Variants in NLK observed in about 807,000 individuals in gnomAD.
NLK encodes the protein serine/threonine-protein kinase NLK.
A neutral mutation model predicts 59.0 loss-of-function variants in NLK; 11 were observed. The observed-to-expected ratio is 0.19, with a 90% confidence interval of 0.12 to 0.31. The LOEUF is 0.31. Ranked by LOEUF, NLK falls within the 10% of genes least tolerant of loss-of-function variation. The probability of loss-of-function intolerance (pLI) is 1.00; values close to 1 mark genes in which losing one functional copy is unlikely to be tolerated. For missense variants in NLK, 410 were observed against 661.1 expected, an observed-to-expected ratio of 0.62 and a Z score of 4.16; for synonymous variants, 235 against 235.9, an observed-to-expected ratio of 1.00 and a Z score of 0.03.
At chr17:28,102,148 G>A (rs1398628979) in intron 1 of NLK, among the ~76,000 whole-genome samples, 1 of 151,830 alleles carries the variant, frequency 6.6e-6, no homozygotes, top group Non-Finnish European at 1.5e-5. Flanking sequence ...GTGAGGTTTG[G>A]GTTTACCATT....
intron 1 of NLK, among the ~76,000 whole-genome samples, chr17:28,087,488 CAGAAT>C (rs1910554200): frequency 6.6e-6 from 1 of 152,070 alleles, no homozygotes; most frequent in Non-Finnish European, 1.5e-5. Flanking sequence ...GGATGTAAAT[CAGAAT>C]AGAAGATCAT....
In NLK at chr17:28,043,249, C is replaced by A; in HGVS notation, c.376C>A (p.His126Asn). The A allele has an allele frequency of 6.2e-7, 1 of 1,613,876 alleles. No individual in the cohort carries two copies. The highest frequency in any genetic ancestry group is 8.5e-7 in the Non-Finnish European group (1 of 1,179,836). ...AAAATVKAHH[H>N]QHSHHPQQQL... is the part of the protein sequence containing the mutation. ...AGCTGCTACAGTTAAGGCGCACCATCATCAGCACTCGCATCATCCACAGCA... is the reference window on the plus strand; with the variant it reads ...AGCTGCTACAGTTAAGGCGCACCATAATCAGCACTCGCATCATCCACAGCA... Residue 126 changes from histidine to asparagine, a missense_variant, in exon 1 of 11, where the codon CAT (histidine) becomes AAT (asparagine). Around this residue, in one of 5 missense-constraint regions of NLK, gnomAD observed 160 missense variants for 171.0 expected, o/e 0.94. Coordinates refer to ENST00000407008, the MANE Select transcript of NLK (RefSeq NM_016231.5).
chr17:28,115,291 A>G (rs1283263150), intron 1 of NLK, among the ~76,000 whole-genome samples: 1 of 152,196 alleles, frequency 6.6e-6, no homozygotes, highest in Non-Finnish European at 1.5e-5. Flanking sequence ...AGAGCCTAAC[A>G]TGGAGCCAGT....
chr17:28,114,676 A>T (rs1437568632), intron 1 of NLK, among the ~76,000 whole-genome samples: 2 of 152,100 alleles, frequency 1.3e-5, no homozygotes, highest in Non-Finnish European at 2.9e-5. Flanking sequence ...AAGCGATGTG[A>T]TTTTGCTTTT....
chr17:28,097,113 G>A (rs1438016497), intron 1 of NLK, among the ~76,000 whole-genome samples: 2 of 152,032 alleles, frequency 1.3e-5, no homozygotes, highest in African/African-American at 4.8e-5. Flanking sequence ...TTATATTTCA[G>A]TTTTGTTTGG....
intron 3 of NLK, among the ~76,000 whole-genome samples, chr17:28,139,220 G>A (rs183065627): frequency 6.6e-6 from 1 of 152,256 alleles, no homozygotes; most frequent in Admixed American, 6.5e-5. Flanking sequence ...CTGCACTTCA[G>A]CCTGGGTGAC....
intron 1 of NLK, among the ~76,000 whole-genome samples, chr17:28,093,598 A>G (rs1904590454): frequency 6.6e-6 from 1 of 152,224 alleles, no homozygotes; most frequent in Middle Eastern, 3.2e-3. Flanking sequence ...TAGTGAAAAG[A>G]ACATACACTG....
intron 3 of NLK, among the ~76,000 whole-genome samples, chr17:28,146,632 C>CTACA (rs1907266540): frequency 1.3e-5 from 2 of 152,168 alleles, no homozygotes; most frequent in East Asian, 3.8e-4. Flanking sequence ...ATTCCAAAGC[C>CTACA]TACAACAAAC....
At chr17:28,132,863 G>C (rs1255584431) in intron 3 of NLK, among the ~76,000 whole-genome samples, 188 bp downstream of exon 3, 1 of 152,176 alleles carries the variant, frequency 6.6e-6, no homozygotes, top group East Asian at 1.9e-4. Context: ...AACATATCCT[G>C]TGTGGTGATG....
intron 6 of NLK, 40 bp downstream of exon 6, chr17:28,168,697 C>CAACTA: frequency 2.0e-6 from 3 of 1,502,366 alleles, no homozygotes; most frequent in Non-Finnish European, 2.8e-6. Context: ...AATTCTATTG[C>CAACTA]AGATTTGAAG....
At chr17:28,204,285 T>C in the NLK span, among the ~76,000 whole-genome samples, 2 of 152,212 alleles carry the variant, frequency 1.3e-5, no homozygotes, top group Non-Finnish European at 2.9e-5. Flanking sequence ...TAGAGGGAGC[T>C]GAACACAACA....
intron 8 of NLK, among the ~76,000 whole-genome samples, chr17:28,189,817 A>G (rs953329651): frequency 6.6e-6 from 1 of 152,262 alleles, no homozygotes. Flanking sequence ...TAGATCACCA[A>G]ATACAAAACA....
chr17:28,105,424 G>T (rs958214887), intron 1 of NLK, among the ~76,000 whole-genome samples: 3 of 152,048 alleles, frequency 2.0e-5, no homozygotes, highest in African/African-American at 7.2e-5. Flanking sequence ...TTTTCAATTG[G>T]TAGTATAAAC....
chr17:28,191,159 A>T lies in NLK; in HGVS notation c.1375A>T (p.Thr459Ser), dbSNP rs1909292289. 1 of 1,613,586 alleles carries T rather than the reference A, an allele frequency of 6.2e-7. No individual in the cohort carries two copies. The highest frequency in any genetic ancestry group is 1.1e-5 in the South Asian group (1 of 90,978). ...TTATACCAGTGACTTTGAGCCTGTCACCAATCCCAAATTTGATGACACTTT... is the reference window on the plus strand; with the variant it reads ...TTATACCAGTGACTTTGAGCCTGTCTCCAATCCCAAATTTGATGACACTTT... ...RVYTSDFEPVTNPKFDDTFEK... is the reference protein window; with the variant it reads ...RVYTSDFEPVSNPKFDDTFEK... The change falls in exon 9 of 11, where the codon ACC (threonine) becomes TCC (serine). Residue 459 changes from threonine (T) to serine (S), a missense_variant. Transcript: ENST00000407008.
intron 1 of NLK, among the ~76,000 whole-genome samples, chr17:28,106,174 A>G (rs575500585): frequency 6.6e-6 from 1 of 152,358 alleles, no homozygotes; most frequent in South Asian, 2.1e-4. Context: ...ACATGCCTCA[A>G]GCAACATTAA....
intron 4 of NLK, among the ~76,000 whole-genome samples, chr17:28,162,285 G>C (rs1329238558): frequency 6.6e-6 from 1 of 152,078 alleles, no homozygotes; most frequent in East Asian, 1.9e-4. Context: ...AAAGTGCTGG[G>C]ATTACAGGCG....
chr17:28,142,829 C>T (rs533882176), intron 3 of NLK, among the ~76,000 whole-genome samples: 1 of 152,110 alleles, frequency 6.6e-6, no homozygotes, highest in African/African-American at 2.4e-5. Flanking sequence ...GCTTAAGGTG[C>T]CTAAGCATGT....
chr17:28,065,101 C>T lies in NLK; in HGVS notation c.458+21770C>T, dbSNP rs577844904. ...AAACTTATACTTGAATATTTATAAA[C>T]AAATTGCAATAAAGATATATAAATA... is the stretch of plus-strand genomic sequence containing the variant. On this transcript the variant is annotated intron_variant, in intron 1 of 10. Coordinates refer to ENST00000407008, the MANE Select transcript of NLK (RefSeq NM_016231.5). Among the ~76,000 whole-genome samples the T allele has an allele frequency of 5.5e-4, 84 of 152,152 alleles. 1 individual carries two copies. Among genetic ancestry groups the T allele is most frequent in the South Asian group, 2.7e-3 (13 of 4,822 alleles).
intron 1 of NLK, among the ~76,000 whole-genome samples, chr17:28,114,670 G>A (rs1365687302): frequency 1.3e-5 from 2 of 152,118 alleles, no homozygotes; most frequent in African/African-American, 4.8e-5. Context: ...TTCTAAAAGC[G>A]ATGTGATTTT....
Sources: gnomAD v4.1 joint callset for allele counts (sites outside exome capture counted in the v4.1 genomes callset) on GRCh38, gnomAD v4.1.1 for gene constraint, gnomAD v4.1.1 regional missense constraint, MANE v1.5 for transcripts, NCBI Gene and HGNC (gene_info 2026-07-23, HGNC 2026-07-21) for gene names.